The following ADK variants were observed in gnomAD, a reference collection of about 807,000 sequenced individuals.
ADK encodes the protein N6,N6-dimethyladenosine kinase.
A neutral mutation model predicts 44.7 loss-of-function variants in ADK; 24 were observed. The observed-to-expected ratio is 0.54, with a 90% CI of 0.39 to 0.76. The LOEUF is 0.76. ADK is among the 30% of genes least tolerant of loss of function. The pLI, the probability that ADK is intolerant of heterozygous loss-of-function variation, is 0.00. For missense variants in ADK, 321 were observed against 425.1 expected (o/e 0.76, Z 2.15); for synonymous variants, 128 against 142.6 (o/e 0.90, Z 0.73).
rs551609059 is a variant in ADK at position 74,271,394 on chromosome 10, T to TTTG, written c.195-43258_195-43256dup. 2.6e-5 allele frequency among the ~76,000 whole-genome samples: 4 copies of TTTG among 151,994 alleles called. No individual in the cohort carries two copies. The South Asian group carries it at 6.2e-4, about 24-fold the overall frequency. Reference sequence around the variant, plus strand: ...ATTTATATTCAGGTATATATATATTTTTGTTGTTGTTGTTGTTTTTTCTTA... The same window carrying TTTG: ...ATTTATATTCAGGTATATATATATTTTTGTTGTTGTTGTTGTTGTTTTTTCTTA... On this transcript the variant is annotated intron_variant, in intron 3 of 10. Transcript: ENST00000539909.
chr10:74,537,198 A>C (rs1463235858), intron 7 of ADK, among the ~76,000 whole-genome samples: 1 of 152,224 alleles, frequency 6.6e-6, no homozygotes, highest in Non-Finnish European at 1.5e-5. Flanking sequence ...ACTTTCAGCC[A>C]AGGTTCAGAA....
At chr10:74,581,934 A>T (rs1851386161) in intron 7 of ADK, among the ~76,000 whole-genome samples, 1 of 152,198 alleles carries the variant, frequency 6.6e-6, no homozygotes, top group African/African-American at 2.4e-5. Flanking sequence ...GCTGCCTGTA[A>T]CAATTACCTG....
intron 3 of ADK, among the ~76,000 whole-genome samples, chr10:74,302,103 TTG>T (rs1840064717): frequency 4.4e-5 from 1 of 22,790 alleles, no homozygotes; most frequent in African/African-American, 2.3e-4. Flanking sequence ...TTTTTTTTGT[TTG>T]TTTGTTTTTT....
intron 3 of ADK, among the ~76,000 whole-genome samples, chr10:74,268,370 G>C (rs1225004020): frequency 6.7e-6 from 1 of 149,638 alleles, no homozygotes; most frequent in African/African-American, 2.5e-5. Context: ...TTTTTTTTTG[G>C]CTAAGCTGTT....
At chr10:74,588,841 C>T (rs906021196) in intron 7 of ADK, among the ~76,000 whole-genome samples, 8 of 152,248 alleles carry the variant, frequency 5.3e-5, no homozygotes, top group Middle Eastern at 6.8e-3. Flanking sequence ...AGGATCCTTG[C>T]CTGCATAAAT....
chr10:74,306,655 G>A (rs1840260715), intron 3 of ADK, among the ~76,000 whole-genome samples: 1 of 152,186 alleles, frequency 6.6e-6, no homozygotes, highest in South Asian at 2.1e-4. Flanking sequence ...CTGATACGGA[G>A]TGAGGGGAGA....
At chr10:74,229,437 G>T (rs1165912423) in intron 3 of ADK, among the ~76,000 whole-genome samples, 2 of 130,766 alleles carry the variant, frequency 1.5e-5, no homozygotes, top group African/African-American at 3.0e-5. Context: ...TCGCTCTGTC[G>T]CCCAGGCTGG....
intron 3 of ADK, among the ~76,000 whole-genome samples, chr10:74,247,224 GTTTTTTTTT>G (rs142274121): frequency 2.5e-4 from 18 of 72,004 alleles, no homozygotes; most frequent in South Asian, 1.8e-3. Flanking sequence ...TTTTTTTTAA[GTTTTTTTTT>G]TTTTTTTTTT....
intron 2 of ADK, among the ~76,000 whole-genome samples, chr10:74,201,953 C>A (rs566203270): frequency 6.6e-6 from 1 of 151,966 alleles, no homozygotes; most frequent in Non-Finnish European, 1.5e-5. Context: ...TAAAATTGAT[C>A]GTTTTAACCA....
chr10:74,677,372 A>G (rs996679415), intron 10 of ADK, among the ~76,000 whole-genome samples: 4 of 152,204 alleles, frequency 2.6e-5, no homozygotes, highest in African/African-American at 9.6e-5. Flanking sequence ...ACCTATCTAT[A>G]CTTCTGAGAA....
intron 9 of ADK, among the ~76,000 whole-genome samples, chr10:74,622,488 A>G (rs192057799): frequency 6.6e-6 from 1 of 152,132 alleles, no homozygotes; most frequent in Non-Finnish European, 1.5e-5. Context: ...ACTACAAGCT[A>G]TGGCATTAGA....
chr10:74,538,255 C>CAA lies in ADK; in HGVS notation c.726+12843_726+12844dup, dbSNP rs535509115. Among the ~76,000 whole-genome samples the CAA allele has an allele frequency of 2.4e-3, 207 of 85,242 alleles. 2 individuals carry two copies. Among genetic ancestry groups the CAA allele is most frequent in the Middle Eastern group, 0.013 (2 of 154 alleles). 55.9% of individuals were successfully genotyped at this position (85,242 alleles called of 152,430 possible). ...GGCAACAGAGCGAGACTCCGTCTCA[C>CAA]AAAAAAAAAAAAAAAGGTAATGTAT... is the stretch of plus-strand genomic sequence containing the variant. On this transcript the variant is annotated intron_variant, in intron 7 of 10. Transcript: ENST00000539909.
At chr10:74,433,805 A>T (rs1464545399) in intron 6 of ADK, among the ~76,000 whole-genome samples, 1 of 123,022 alleles carries the variant, frequency 8.1e-6, no homozygotes, top group African/African-American at 2.6e-5. Context: ...ACTGGTATGG[A>T]TTGCTAAAAC....
At chr10:74,412,607 A>G (rs1168138961) in intron 6 of ADK, among the ~76,000 whole-genome samples, 1 of 152,244 alleles carries the variant, frequency 6.6e-6, no homozygotes, top group Non-Finnish European at 1.5e-5. Context: ...CATGGGCTGC[A>G]GAATGAATGT....
chr10:74,569,522 G>T (rs960834657), intron 7 of ADK, among the ~76,000 whole-genome samples: 12 of 152,144 alleles, frequency 7.9e-5, no homozygotes, highest in Non-Finnish European at 1.5e-5. Context: ...TTTCTCTGAT[G>T]GCCAATGATG....
intron 9 of ADK, among the ~76,000 whole-genome samples, chr10:74,629,306 A>G (rs1564826584): frequency 2.0e-5 from 3 of 152,130 alleles, no homozygotes; most frequent in South Asian, 4.1e-4. Context: ...CTGGGATTGC[A>G]GGGCACCCTA....
At chr10:74,377,413 TC>T (rs1198319723) in intron 4 of ADK, among the ~76,000 whole-genome samples, 31 of 152,190 alleles carry the variant, frequency 2.0e-4, no homozygotes, top group African/African-American at 7.0e-4. Flanking sequence ...CTATGAGTAT[TC>T]ATGAAAGGGG....
At chr10:74,603,338 A>G (rs190893824) in intron 9 of ADK, among the ~76,000 whole-genome samples, 118 of 152,180 alleles carry the variant, frequency 7.8e-4, no homozygotes, top group African/African-American at 2.8e-3. Flanking sequence ...TACACATGCC[A>G]TGGTGGTTTC....
chr10:74,327,686 A>G (rs191606398), intron 4 of ADK, among the ~76,000 whole-genome samples: 15 of 152,230 alleles, frequency 9.9e-5, no homozygotes, highest in Admixed American at 3.9e-4. Context: ...ACAAACCCCC[A>G]TGACACAACC....
Sources: gnomAD v4.1 joint callset for allele counts (sites outside exome capture counted in the v4.1 genomes callset) on GRCh38, gnomAD v4.1.1 for gene constraint, MANE v1.5 for transcripts, NCBI Gene and HGNC (gene_info 2026-07-23, HGNC 2026-07-21) for gene names.